NDUFAF2: variants seen among roughly 807,000 people sequenced by gnomAD.
The protein encoded by NDUFAF2 is NADH dehydrogenase [ubiquinone] 1 alpha subcomplex assembly factor 2.
Under a neutral mutation model 22.8 loss-of-function variants are expected in NDUFAF2, and 13 were observed. That is an observed-to-expected ratio of 0.57 (90% CI 0.37 to 0.91). The LOEUF (loss-of-function observed/expected upper bound fraction) is 0.91. Ranked by LOEUF, NDUFAF2 falls within the 40% of genes least tolerant of loss-of-function variation. The probability of loss-of-function intolerance (pLI) is 0.01; values close to 1 mark genes in which losing one functional copy is unlikely to be tolerated. For synonymous variants in NDUFAF2, 53 were observed against 64.2 expected, an observed-to-expected ratio of 0.83 and a Z score of 0.84; for missense variants, 162 against 195.2, an observed-to-expected ratio of 0.83 and a Z score of 1.01.
chr5:61,008,494 T>C (rs1459818852), intron 1 of NDUFAF2, among the ~76,000 whole-genome samples: 1 of 152,126 alleles, frequency 6.6e-6, no homozygotes, highest in Non-Finnish European at 1.5e-5. Flanking sequence ...CCACACCTTA[T>C]TTCTCTCAAT....
intron 3 of NDUFAF2, among the ~76,000 whole-genome samples, chr5:61,102,168 A>G (rs1752712202): frequency 6.6e-6 from 1 of 152,206 alleles, no homozygotes; most frequent in Non-Finnish European, 1.5e-5. Flanking sequence ...ATAGAAATCA[A>G]CATGCTGATT....
chr5:61,026,314 T>C (rs1445686922), intron 1 of NDUFAF2, among the ~76,000 whole-genome samples: 1 of 151,986 alleles, frequency 6.6e-6, no homozygotes, highest in South Asian at 2.1e-4. Flanking sequence ...AGTCACAAAT[T>C]ACTGGTAATA....
intron 3 of NDUFAF2, among the ~76,000 whole-genome samples, chr5:61,128,283 A>G (rs1753063469): frequency 6.7e-6 from 1 of 148,262 alleles, no homozygotes; most frequent in Non-Finnish European, 1.5e-5. Flanking sequence ...TCTTCACAGA[A>G]TTGGAAAAAA....
In NDUFAF2 at chr5:60,989,534, G is replaced by T. The variant is rs1021870837; in HGVS notation, c.127+44152G>T. Among the ~76,000 whole-genome samples, 14 of 152,228 alleles carry T rather than the reference G, an allele frequency of 9.2e-5. No homozygotes were observed. The South Asian group carries it at 2.1e-3, about 23-fold the overall frequency. ...GAATGGCAGACTGGGTAAAGAAAAT[G>T]GAGTGTATATACACCATGAAATATT... On this transcript the variant is annotated intron_variant, in intron 1 of 3. Transcript: ENST00000296597.
At chr5:61,088,222 AG>A (rs1208960347) in intron 2 of NDUFAF2, among the ~76,000 whole-genome samples, 2 of 152,096 alleles carry the variant, frequency 1.3e-5, no homozygotes, top group Non-Finnish European at 2.9e-5. Context: ...ACAGCCAGCC[AG>A]GGGGAAAAAT....
intron 1 of NDUFAF2, among the ~76,000 whole-genome samples, chr5:60,989,248 A>G (rs1751124964): frequency 6.6e-6 from 1 of 152,158 alleles, no homozygotes; most frequent in African/African-American, 2.4e-5. Flanking sequence ...TATTTTAAAA[A>G]TCAAAAAATT....
chr5:61,072,550 G>A (rs1186755827), intron 1 of NDUFAF2, among the ~76,000 whole-genome samples: 1 of 151,928 alleles, frequency 6.6e-6, no homozygotes, highest in African/African-American at 2.4e-5. Flanking sequence ...AGGATTAATT[G>A]GTTGCTCTTT....
At chr5:61,007,470 C>A (rs1412665963) in intron 1 of NDUFAF2, among the ~76,000 whole-genome samples, 2 of 152,072 alleles carry the variant, frequency 1.3e-5, no homozygotes, top group Admixed American at 1.3e-4. Flanking sequence ...AAACAAACAA[C>A]CCCATTAAAA....
intron 3 of NDUFAF2, among the ~76,000 whole-genome samples, chr5:61,117,733 G>A (rs1297302688): frequency 2.6e-5 from 4 of 152,088 alleles, no homozygotes; most frequent in African/African-American, 9.7e-5. Context: ...ATGAGCAGTG[G>A]CAATTTTTTT....
chr5:60,969,117 C>T (rs542313694), intron 1 of NDUFAF2, among the ~76,000 whole-genome samples: 9 of 152,072 alleles, frequency 5.9e-5, no homozygotes, highest in Non-Finnish European at 7.4e-5. Flanking sequence ...TGTCTGTTAA[C>T]GGACATTTAG....
chr5:61,044,752 A>G (rs1012471755), intron 1 of NDUFAF2, among the ~76,000 whole-genome samples: 4 of 152,052 alleles, frequency 2.6e-5, no homozygotes, highest in Admixed American at 1.3e-4. Context: ...TTCAAATCTG[A>G]TAGTGTGATG....
At chr5:60,984,279 A>G (rs1440133409) in intron 1 of NDUFAF2, among the ~76,000 whole-genome samples, 1 of 151,928 alleles carries the variant, frequency 6.6e-6, no homozygotes, top group African/African-American at 2.4e-5. Context: ...GTTGCCTATC[A>G]GCTTAAGGAG....
chr5:61,051,655 C>T (rs1288207218), intron 1 of NDUFAF2, among the ~76,000 whole-genome samples: 1 of 151,994 alleles, frequency 6.6e-6, no homozygotes, highest in African/African-American at 2.4e-5. Flanking sequence ...AAAAAAAATG[C>T]ATTGTAGAAT....
At chr5:60,948,833 G>A (rs1264194628) in intron 1 of NDUFAF2, among the ~76,000 whole-genome samples, 1 of 152,118 alleles carries the variant, frequency 6.6e-6, no homozygotes, top group Non-Finnish European at 1.5e-5. Flanking sequence ...GAATGGCTGA[G>A]TCAACTTGTT....
At chr5:61,144,153 A>G (rs532559056) in intron 3 of NDUFAF2, among the ~76,000 whole-genome samples, 5 of 152,240 alleles carry the variant, frequency 3.3e-5, no homozygotes, top group African/African-American at 1.2e-4. Context: ...GTCTATTATT[A>G]TGGAATTTTA....
intron 1 of NDUFAF2, among the ~76,000 whole-genome samples, chr5:61,044,421 C>T (rs1751921719): frequency 6.6e-6 from 1 of 152,154 alleles, no homozygotes; most frequent in Non-Finnish European, 1.5e-5. Flanking sequence ...TCCAAGACAT[C>T]ACTGCCAAAG....
intron 1 of NDUFAF2, among the ~76,000 whole-genome samples, chr5:60,962,079 A>G (rs932561861): frequency 3.9e-5 from 6 of 152,058 alleles, no homozygotes; most frequent in Non-Finnish European, 5.9e-5. Flanking sequence ...ATGCTTGAAC[A>G]CCATAAATAT....
intron 2 of NDUFAF2, among the ~76,000 whole-genome samples, chr5:61,090,786 A>G (rs1252291241): frequency 6.6e-6 from 1 of 152,002 alleles, no homozygotes; most frequent in Non-Finnish European, 1.5e-5. Flanking sequence ...TAATCACCCA[A>G]GTATTCAGCC....
At chr5:61,093,510 G>A (rs1052190428) in intron 2 of NDUFAF2, among the ~76,000 whole-genome samples, 5 of 152,204 alleles carry the variant, frequency 3.3e-5, no homozygotes, top group African/African-American at 9.6e-5. Flanking sequence ...CATCTGTTGA[G>A]ATAATCATGT....
Sources: gnomAD v4.1 joint callset for allele counts (sites outside exome capture counted in the v4.1 genomes callset) on GRCh38, gnomAD v4.1.1 for gene constraint, MANE v1.5 for transcripts, NCBI Gene and HGNC (gene_info 2026-07-23, HGNC 2026-07-21) for gene names.